The following ZC3H15 variants were observed in gnomAD, a reference collection of about 807,000 sequenced individuals.
The protein encoded by ZC3H15 is zinc finger CCCH-type containing 15.
A neutral mutation model predicts 51.2 loss-of-function variants in ZC3H15; 15 were observed. That is an observed-to-expected ratio of 0.29 (90% confidence interval 0.20 to 0.45). ZC3H15 has a LOEUF of 0.45. ZC3H15 is among the 20% of genes least tolerant of loss of function. The probability of loss-of-function intolerance (pLI) is 1.00; values close to 1 mark genes in which losing one functional copy is unlikely to be tolerated. For missense variants in ZC3H15, 381 were observed against 494.7 expected, an observed-to-expected ratio of 0.77 and a Z score of 2.18; for synonymous variants, 144 against 162.8, an observed-to-expected ratio of 0.88 and a Z score of 0.88.
At chr2:186,500,500 C>T in intron 3 of ZC3H15, 1 of 660,572 alleles carries the variant, frequency 1.5e-6, no homozygotes, top group South Asian at 1.6e-5. Context: ...GAACTGCAGC[C>T]ATGCACCCCA....
intron 2 of ZC3H15, 54 bp downstream of exon 2, chr2:186,495,388 CTG>C (rs1184809675): frequency 1.1e-5 from 11 of 1,019,784 alleles, no homozygotes; most frequent in Admixed American, 3.6e-5. Context: ...AATATAGCCT[CTG>C]TTTCAGATAA....
intron 2 of ZC3H15, among the ~76,000 whole-genome samples, chr2:186,498,615 T>C (rs925603681): frequency 6.6e-6 from 1 of 152,228 alleles, no homozygotes; most frequent in African/African-American, 2.4e-5. Flanking sequence ...GGATTTGGGA[T>C]GTCTTTGACC....
At chr2:186,502,653 A>G (rs1482931765) in intron 5 of ZC3H15, 66 bp downstream of exon 5, 1 of 1,261,072 alleles carries the variant, frequency 7.9e-7, no homozygotes, top group South Asian at 1.4e-5. Flanking sequence ...GTGGCAAGGT[A>G]TTTGCTGCTA....
chr2:186,506,964 A>G, intron 9 of ZC3H15, 128 bp downstream of exon 9: 1 of 1,053,318 alleles, frequency 9.5e-7, no homozygotes, highest in Non-Finnish European at 1.3e-6. Flanking sequence ...TTTGACCATA[A>G]ATAAAAGCAG....
At chr2:186,502,695 A>C (rs1022415132) in intron 5 of ZC3H15, 108 bp downstream of exon 5, 5 of 904,912 alleles carry the variant, frequency 5.5e-6, no homozygotes, top group Non-Finnish European at 8.2e-6. Flanking sequence ...AAGTTACTGG[A>C]AAATTTGATT....
intron 9 of ZC3H15, among the ~76,000 whole-genome samples, chr2:186,507,128 C>T (rs948745819): frequency 4.6e-5 from 7 of 152,142 alleles, no homozygotes; most frequent in African/African-American, 9.7e-5. Flanking sequence ...ATCAAAAGTG[C>T]ACTGTCTAGG....
rs574697480 is a variant in ZC3H15 at position 186,497,030 on chromosome 2, C to A, written c.177+1696C>A. On this transcript the variant is annotated intron_variant, in intron 2 of 9. Coordinates refer to ENST00000337859, the MANE Select transcript of ZC3H15 (RefSeq NM_018471.3). ...ATACGAATTTTAAAATGAGTTTATCCATTGGCAACTCATTTGAAAAAAATG... is the reference window on the plus strand; with the variant it reads ...ATACGAATTTTAAAATGAGTTTATCAATTGGCAACTCATTTGAAAAAAATG... The A allele has an allele frequency of 3.7e-4, 128 of 344,172 alleles. 3 individuals carry two copies. Among genetic ancestry groups the A allele is most frequent in the South Asian group, 2.8e-3 (126 of 45,788 alleles). 21.3% of individuals were successfully genotyped at this position (344,172 alleles called of 1,614,324 possible).
At position 186,501,415 on chromosome 2, in the gene ZC3H15, A is replaced by G; in HGVS notation, c.432A>G (p.Glu144=). ...TTTACATTGATGCAAGAGATGAAGA[A>G]CTTGAAAAAGGTAATTTTTTTAAAA... ...RSVYIDARDE[E]LEKDTMDNWD... is the part of the protein sequence containing the mutation. The change falls in exon 4 of 10, where the codon GAA becomes GAG. Residue 144 remains glutamate, a synonymous_variant. Transcript: ENST00000337859. 1.9e-6 allele frequency: 3 copies of G among 1,606,622 alleles called. No homozygotes were observed. Among genetic ancestry groups the G allele is most frequent in the Non-Finnish European group, 2.5e-6 (3 of 1,177,506 alleles).
Position 186,495,261 on chromosome 2 carries a change from AAGG to A in ZC3H15, c.107_109del (p.Gly36del). ...AAAACTTTCGGTTTGAAGAATAAGAAAGGAGCAAAGCAACAGAAGTTTATCAAG... is the reference window on the plus strand; with the variant it reads ...AAAACTTTCGGTTTGAAGAATAAGAAAGCAAAGCAACAGAAGTTTATCAAG... On this transcript the variant is annotated inframe_deletion, in exon 2 of 10. Transcript: ENST00000337859. 1 of 1,551,850 alleles carries A rather than the reference AAGG, an allele frequency of 6.4e-7. No individual in the cohort carries two copies. Among genetic ancestry groups the A allele is most frequent in the Non-Finnish European group, 8.7e-7 (1 of 1,154,848 alleles).
At chr2:186,496,291 C>T (rs890231523) in intron 2 of ZC3H15, among the ~76,000 whole-genome samples, 1 of 152,226 alleles carries the variant, frequency 6.6e-6, no homozygotes, top group Admixed American at 6.5e-5. Flanking sequence ...GATCTTGGCT[C>T]ACTGCGGCCT....
intron 4 of ZC3H15, among the ~76,000 whole-genome samples, chr2:186,501,774 C>T (rs550733888): frequency 2.6e-4 from 40 of 151,570 alleles, no homozygotes; most frequent in South Asian, 6.3e-4. Context: ...TGCAGTGGCA[C>T]GATCTCAGCT....
chr2:186,508,197 C>A (rs1685497897), intron 9 of ZC3H15, among the ~76,000 whole-genome samples: 1 of 152,120 alleles, frequency 6.6e-6, no homozygotes, highest in South Asian at 2.1e-4. Context: ...GTTTCCATAA[C>A]CATTTAGTCA....
At chr2:186,497,075 G>A in intron 2 of ZC3H15, 1 of 370,040 alleles carries the variant, frequency 2.7e-6, no homozygotes. Context: ...TTTTTTTCAG[G>A]TTCTTTAGAC....
intron 9 of ZC3H15, among the ~76,000 whole-genome samples, chr2:186,508,121 C>T (rs1685496913): frequency 6.6e-6 from 1 of 152,046 alleles, no homozygotes; most frequent in African/African-American, 2.4e-5. Context: ...ATTACAACAG[C>T]ATGATTTAAA....
intron 1 of ZC3H15, among the ~76,000 whole-genome samples, chr2:186,492,747 G>A (rs967630099): frequency 1.3e-5 from 2 of 152,010 alleles, no homozygotes; most frequent in South Asian, 2.1e-4. Context: ...GCTTGTCCAC[G>A]TGGTGGTATT....
intron 1 of ZC3H15, among the ~76,000 whole-genome samples, chr2:186,492,356 T>G (rs1685214567): frequency 6.6e-6 from 1 of 152,240 alleles, no homozygotes; most frequent in Admixed American, 6.5e-5. Context: ...AGTGTTAAAC[T>G]TTCTTTATAG....
chr2:186,497,468 G>A (rs1260273005), intron 2 of ZC3H15, among the ~76,000 whole-genome samples: 1 of 152,202 alleles, frequency 6.6e-6, no homozygotes, highest in Non-Finnish European at 1.5e-5. Flanking sequence ...CAGATCAGCT[G>A]AGACCTTGCA....
intron 3 of ZC3H15, chr2:186,500,524 A>G: frequency 1.6e-6 from 1 of 635,550 alleles, no homozygotes; most frequent in East Asian, 3.3e-5. Context: ...TTAAGGCAAA[A>G]TTAGTAATTT....
intron 1 of ZC3H15, among the ~76,000 whole-genome samples, chr2:186,491,820 A>G (rs1236677138): frequency 2.6e-5 from 4 of 152,158 alleles, no homozygotes; most frequent in Admixed American, 6.5e-5. Context: ...TGAATACTAG[A>G]TAAATAAGTG....
Sources: allele counts gnomAD v4.1 joint callset (sites outside exome capture counted in the v4.1 genomes callset), GRCh38; gene constraint gnomAD v4.1.1; transcripts MANE v1.5; gene names NCBI Gene and HGNC (gene_info 2026-07-23, HGNC 2026-07-21).